KIT: variants seen among roughly 807,000 people sequenced by gnomAD.
KIT encodes the protein mast/stem cell growth factor receptor Kit.
In KIT, 16 loss-of-function variants were observed where a neutral mutation model predicts 105.7. The observed-to-expected ratio is 0.15, with a 90% confidence interval of 0.10 to 0.23. KIT has a LOEUF of 0.23. KIT is among the 10% of genes least tolerant of loss of function. KIT has a pLI of 1.00. For missense variants in KIT, 858 were observed against 1,213.8 expected (o/e 0.71, Z 4.36); for synonymous variants, 438 against 441.1 (o/e 0.99, Z 0.09).
intron 6 of KIT, among the ~76,000 whole-genome samples, chr4:54,708,686 G>A (rs1236313084): frequency 6.6e-6 from 1 of 152,174 alleles, no homozygotes; most frequent in Non-Finnish European, 1.5e-5. Flanking sequence ...GTGAGAGAGT[G>A]GGCTGCCCAG....
intron 1 of KIT, among the ~76,000 whole-genome samples, chr4:54,674,517 A>C (rs1252978426): frequency 1.3e-5 from 2 of 152,172 alleles, no homozygotes; most frequent in Non-Finnish European, 2.9e-5. Context: ...GGGGAGAGTC[A>C]ATAATTATGC....
chr4:54,664,753 G>T (rs532364570), intron 1 of KIT, among the ~76,000 whole-genome samples: 2 of 151,846 alleles, frequency 1.3e-5, no homozygotes, highest in Admixed American at 1.3e-4. Context: ...GACCCCAGGC[G>T]TGTGCCACCA....
chr4:54,681,001 C>T (rs1361877188), intron 1 of KIT, among the ~76,000 whole-genome samples: 1 of 152,124 alleles, frequency 6.6e-6, no homozygotes, highest in East Asian at 1.9e-4. Flanking sequence ...TGTCCTAGGT[C>T]TTGGGGGGGT....
At chr4:54,705,794 A>T (rs181465768) in intron 5 of KIT, among the ~76,000 whole-genome samples, 4 of 152,272 alleles carry the variant, frequency 2.6e-5, no homozygotes, top group African/African-American at 9.6e-5. Flanking sequence ...AGGCAGGAGG[A>T]TTGCTTGAGC....
intron 8 of KIT, among the ~76,000 whole-genome samples, chr4:54,725,531 TTCCTTTCCAA>T (rs1466868126): frequency 6.6e-6 from 1 of 152,164 alleles, no homozygotes; most frequent in Non-Finnish European, 1.5e-5. Flanking sequence ...TTTTATTGAA[TTCCTTTCCAA>T]TCCTTTCAGT....
chr4:54,726,138 C>A, intron 9 of KIT, 88 bp downstream of exon 9: 1 of 1,077,154 alleles, frequency 9.3e-7, no homozygotes, highest in Non-Finnish European at 1.4e-6. Context: ...CAACATTGAC[C>A]ATGTCATTTC....
chr4:54,658,702 C>T (rs1160556940), intron 1 of KIT, among the ~76,000 whole-genome samples: 2 of 152,094 alleles, frequency 1.3e-5, no homozygotes, highest in African/African-American at 2.4e-5. Flanking sequence ...GTTTCCCCGC[C>T]TCCGGGTTAG....
chr4:54,713,223 T>C (rs1371780528), intron 7 of KIT, among the ~76,000 whole-genome samples: 1 of 152,148 alleles, frequency 6.6e-6, no homozygotes, highest in African/African-American at 2.4e-5. Flanking sequence ...CCAAGCAGTG[T>C]ACACTATACC....
At chr4:54,731,157 C>T (rs1401919561) in intron 14 of KIT, among the ~76,000 whole-genome samples, 171 bp from the exon 15 acceptor site, 1 of 152,156 alleles carries the variant, frequency 6.6e-6, no homozygotes, top group Admixed American at 6.6e-5. Context: ...ATTAAAAACT[C>T]ATTTCTTACA....
At chr4:54,716,045 G>A (rs1009692528) in intron 7 of KIT, among the ~76,000 whole-genome samples, 1 of 152,168 alleles carries the variant, frequency 6.6e-6, no homozygotes, top group Non-Finnish European at 1.5e-5. Context: ...TAAAAAAATA[G>A]TAGGACCTTT....
Position 54,707,178 on chromosome 4 carries a change from G to C in KIT, c.1006G>C (p.Glu336Gln). The C allele has an allele frequency of 6.3e-7, 1 of 1,597,026 alleles. No individual in the cohort carries two copies. The highest frequency in any genetic ancestry group is 8.6e-7 in the Non-Finnish European group (1 of 1,164,542). ...NDGENVDLIVEYEAFPKPEHQ... is the reference protein window; with the variant it reads ...NDGENVDLIVQYEAFPKPEHQ... ...TGGAGAAAATGTAGATTTGATTGTT[G>C]AATATGAAGCATTCCCCAAACCTGA... Residue 336 changes from glutamate (E) to glutamine (Q), a missense_variant, in exon 6 of 21, where the codon GAA (glutamate) becomes CAA (glutamine). Physicochemically the swap from Glu to Gln is conservative, Grantham distance 29. Coordinates refer to ENST00000288135, the MANE Select transcript of KIT (RefSeq NM_000222.3).
chr4:54,693,384 C>T (rs932620318), intron 1 of KIT, among the ~76,000 whole-genome samples: 1 of 152,156 alleles, frequency 6.6e-6, no homozygotes, highest in African/African-American at 2.4e-5. Flanking sequence ...CTCTCATGAC[C>T]CTTTCCTACA....
intron 6 of KIT, 32 bp from the exon 7 acceptor site, chr4:54,709,392 C>G (rs781077411): frequency 1.1e-5 from 14 of 1,333,286 alleles, no homozygotes. Flanking sequence ...ATGCTATCCA[C>G]AGGTGATTGA....
intron 1 of KIT, among the ~76,000 whole-genome samples, chr4:54,660,414 G>A (rs913567459): frequency 3.9e-5 from 6 of 152,106 alleles, no homozygotes; most frequent in African/African-American, 1.4e-4. Flanking sequence ...TGGACACAAG[G>A]CACTCTAAAT....
intron 1 of KIT, among the ~76,000 whole-genome samples, chr4:54,665,001 A>G (rs1005515641): frequency 6.6e-6 from 1 of 151,928 alleles, no homozygotes; most frequent in Non-Finnish European, 1.5e-5. Context: ...GAACACTTTC[A>G]TCTTGCAAAA....
chr4:54,690,657 T>C (rs987645705), intron 1 of KIT, among the ~76,000 whole-genome samples: 5 of 152,254 alleles, frequency 3.3e-5, no homozygotes, highest in Non-Finnish European at 7.3e-5. Flanking sequence ...CAAAAAGTCC[T>C]GGTGTAAATA....
chr4:54,713,989 G>A (rs74836230), intron 7 of KIT, among the ~76,000 whole-genome samples: 1,615 of 152,194 alleles, frequency 0.011, 19 homozygotes, highest in Non-Finnish European at 0.014. Flanking sequence ...AGAACTTCTA[G>A]TGGAAACTGA....
At position 54,736,482 on chromosome 4, in the gene KIT, T is replaced by C. The variant is rs1372741902; in HGVS notation, c.2485-16T>C. ...TCTGAATTAACATTATTGACTCTGT[T>C]GTGCTTCTATTACAGGCTCGACTAC... is the stretch of plus-strand genomic sequence containing the variant. On this transcript the variant is annotated splice_polypyrimidine_tract_variant and intron_variant, in intron 17 of 20. Transcript: ENST00000288135. 3 of 1,543,460 alleles carry C rather than the reference T, an allele frequency of 1.9e-6. No individual in the cohort carries two copies. The East Asian group carries it at 6.7e-5, about 35-fold the overall frequency.
At chr4:54,701,262 A>G (rs961202884) in intron 4 of KIT, among the ~76,000 whole-genome samples, 2 of 152,226 alleles carry the variant, frequency 1.3e-5, no homozygotes, top group African/African-American at 4.8e-5. Flanking sequence ...CGTGCAAACA[A>G]TATGTAATGT....
Sources: allele counts gnomAD v4.1 joint callset (sites outside exome capture counted in the v4.1 genomes callset), GRCh38; gene constraint gnomAD v4.1.1; transcripts MANE v1.5; gene names NCBI Gene and HGNC (gene_info 2026-07-23, HGNC 2026-07-21).